The following CLIP2 variants were observed in gnomAD, a reference collection of about 807,000 sequenced individuals.
The protein encoded by CLIP2 is CAP-Gly domain containing linker protein 2.
CLIP2 carries 41 observed loss-of-function variants against 111.7 expected under a neutral mutation model. That is an observed-to-expected ratio of 0.37 (90% CI 0.29 to 0.48). The LOEUF is 0.48. CLIP2 is among the 20% of genes least tolerant of loss of function. CLIP2 has a pLI of 0.99. For synonymous variants in CLIP2, 660 were observed against 644.2 expected (o/e 1.02, Z -0.37); for missense variants, 1,160 against 1,422.1 (o/e 0.82, Z 2.96).
At chr7:74,311,917 TAAAA>T in intron 1 of CLIP2, among the ~76,000 whole-genome samples, 1 of 49,746 alleles carries the variant, frequency 2.0e-5, no homozygotes, top group South Asian at 6.3e-4. Flanking sequence ...ATCTCAAGAA[TAAAA>T]AAAAAAAAAA....
intron 2 of CLIP2, among the ~76,000 whole-genome samples, chr7:74,318,763 G>T (rs1272048705): frequency 6.6e-6 from 1 of 152,162 alleles, no homozygotes; most frequent in Non-Finnish European, 1.5e-5. Context: ...AAATGATGCT[G>T]TGATGAACAT....
intron 1 of CLIP2, among the ~76,000 whole-genome samples, chr7:74,314,617 A>G (rs1281743823): frequency 6.6e-6 from 1 of 152,246 alleles, no homozygotes; most frequent in Non-Finnish European, 1.5e-5. Flanking sequence ...AGGTCCAGAC[A>G]TGAGGATGCT....
rs1554312207 is a variant in CLIP2 at position 74,372,918 on chromosome 7, C to T, written c.1381-14C>T. On this transcript the variant is annotated splice_polypyrimidine_tract_variant and intron_variant, in intron 8 of 16. Transcript: ENST00000223398. ...GCCCCCACCCCCCCACCGTGTCCAC[C>T]CTGGGTGGACCAGACCCAGACGCAG... The T allele has an allele frequency of 1.3e-6, 2 of 1,487,466 alleles. No homozygotes were observed. Among genetic ancestry groups the T allele is most frequent in the South Asian group, 1.2e-5 (1 of 83,804 alleles). The allele number at this position is 1,487,466 out of a possible 1,614,324, so 92.1% of individuals were successfully genotyped here.
intron 6 of CLIP2, among the ~76,000 whole-genome samples, chr7:74,358,113 G>A (rs1790202405): frequency 6.7e-6 from 1 of 148,864 alleles, no homozygotes; most frequent in Admixed American, 6.8e-5. Flanking sequence ...GGGCAGTGGT[G>A]CAATCTCAGC....
chr7:74,400,331 G>A (rs1469993361), intron 14 of CLIP2, 39 bp from the exon 15 acceptor site: 5 of 1,521,998 alleles, frequency 3.3e-6, no homozygotes, highest in African/African-American at 2.8e-5. Context: ...ACACACACAC[G>A]CACACTCATG....
At chr7:74,318,751 A>G (rs1788859659) in intron 2 of CLIP2, among the ~76,000 whole-genome samples, 1 of 152,200 alleles carries the variant, frequency 6.6e-6, no homozygotes, top group Admixed American at 6.6e-5. Flanking sequence ...TATCACTTTG[A>G]TAAATGATGC....
chr7:74,328,403 G>A (rs1789179301), intron 2 of CLIP2, among the ~76,000 whole-genome samples: 1 of 152,210 alleles, frequency 6.6e-6, no homozygotes, highest in South Asian at 2.1e-4. Context: ...CGGGAGTCAG[G>A]TGTGTGGCCC....
In CLIP2 at chr7:74,396,961, G is replaced by C. The variant is rs1791466829; in HGVS notation, c.2721-113G>C. On this transcript the variant is annotated intron_variant, in intron 13 of 16. Coordinates refer to ENST00000223398, the MANE Select transcript of CLIP2 (RefSeq NM_003388.5). The stretch of plus-strand genomic sequence containing the variant: ...CTCGTGGCACAGATGCCATCTAGTA[G>C]CCCATGTCCCCCACCAGTTGGTCAG... 4.5e-6 allele frequency: 6 copies of C among 1,333,410 alleles called. No individual in the cohort carries two copies. The Admixed American group carries it at 1.3e-4, about 29-fold the overall frequency. The allele number at this position is 1,333,410 out of a possible 1,614,324, so 82.6% of individuals were successfully genotyped here.
intron 12 of CLIP2, among the ~76,000 whole-genome samples, chr7:74,387,847 T>G (rs1791161152): frequency 6.6e-6 from 1 of 152,218 alleles, no homozygotes; most frequent in South Asian, 2.1e-4. Context: ...CTCAGGCCCC[T>G]TGCCACCTGG....
At chr7:74,308,811 G>A (rs1186288367) in intron 1 of CLIP2, among the ~76,000 whole-genome samples, 1 of 151,952 alleles carries the variant, frequency 6.6e-6, no homozygotes, top group Admixed American at 6.6e-5. Flanking sequence ...GGTGAAATGT[G>A]TATTCAAAGT....
At chr7:74,381,539 G>T (rs1020511432) in intron 11 of CLIP2, 8 of 452,074 alleles carry the variant, frequency 1.8e-5, no homozygotes, top group Non-Finnish European at 3.1e-5. Flanking sequence ...AGGGCATATG[G>T]CAAACTAACT....
chr7:74,377,859 C>T (rs1291679183), intron 10 of CLIP2, among the ~76,000 whole-genome samples: 1 of 150,000 alleles, frequency 6.7e-6, no homozygotes, highest in Non-Finnish European at 1.5e-5. Context: ...GAGTTTTGCT[C>T]TTGTTGCCCA....
chr7:74,389,901 AAAAAAT>A (rs1791225220), intron 13 of CLIP2, among the ~76,000 whole-genome samples: 1 of 136,732 alleles, frequency 7.3e-6, no homozygotes. Context: ...CTCCATCTCA[AAAAAAT>A]AATAATAATA....
rs140319196 is a variant in CLIP2 at position 74,403,903 on chromosome 7, C to T, written c.*55C>T. 3.3e-5 allele frequency: 53 copies of T among 1,587,424 alleles called. No homozygotes were observed. Among genetic ancestry groups the T allele is most frequent in the Middle Eastern group, 1.7e-4 (1 of 6,014 alleles). ...TCCACACCAGAGCCCCACGCGGCTG[C>T]CCGGCAGTACCTCCTCCAGGCAGGA... On this transcript the variant is annotated 3_prime_UTR_variant, in exon 17 of 17. Transcript: ENST00000223398.
Position 74,298,356 on chromosome 7 carries a change from G to T in CLIP2, c.-68+8622G>T, listed in dbSNP as rs868949942. Among the ~76,000 whole-genome samples, 269 of 109,606 alleles carry T rather than the reference G, an allele frequency of 2.5e-3. 1 individual carries two copies. Among genetic ancestry groups the T allele is most frequent in the Admixed American group, 5.0e-3 (49 of 9,838 alleles). 71.9% of individuals were successfully genotyped at this position (109,606 alleles called of 152,430 possible). ...GCCTACCACCACACCCTGCTAATTG[G>T]TTTTTTTTTTTTTTTTTTTGTATTT... On this transcript the variant is annotated intron_variant, in intron 1 of 16. Coordinates refer to ENST00000223398, the MANE Select transcript of CLIP2 (RefSeq NM_003388.5).
chr7:74,359,548 G>A (rs782530022), intron 6 of CLIP2, among the ~76,000 whole-genome samples: 3 of 151,614 alleles, frequency 2.0e-5, no homozygotes, highest in Non-Finnish European at 2.9e-5. Context: ...GTAGAGATGG[G>A]GTTTCACCAT....
intron 7 of CLIP2, among the ~76,000 whole-genome samples, chr7:74,363,877 C>T (rs1451417192): frequency 7.9e-6 from 1 of 126,328 alleles, no homozygotes; most frequent in Non-Finnish European, 1.6e-5. Flanking sequence ...GCCTGGGCAA[C>T]AGAGCGAGAC....
At chr7:74,387,410 G>A (rs1051377455) in intron 12 of CLIP2, among the ~76,000 whole-genome samples, 19 of 152,044 alleles carry the variant, frequency 1.2e-4, no homozygotes, top group East Asian at 3.9e-4. Context: ...CACCACACCC[G>A]GCTAATTTTT....
At chr7:74,399,159 C>T (rs1477295884) in intron 14 of CLIP2, among the ~76,000 whole-genome samples, 20 of 50,534 alleles carry the variant, frequency 4.0e-4, no homozygotes, top group Non-Finnish European at 7.6e-4. Flanking sequence ...GCTGGCGGGC[C>T]TTGGGGCAGG....
Sources: allele counts gnomAD v4.1 joint callset (sites outside exome capture counted in the v4.1 genomes callset), GRCh38; gene constraint gnomAD v4.1.1; transcripts MANE v1.5; gene names NCBI Gene and HGNC (gene_info 2026-07-23, HGNC 2026-07-21).